SPTSSA: variants seen among roughly 807,000 people sequenced by gnomAD.
The protein encoded by SPTSSA is serine palmitoyltransferase small subunit A.
SPTSSA carries 8 observed loss-of-function variants against 9.1 expected under a neutral mutation model. The observed-to-expected ratio is 0.88, with a 90% CI of 0.51 to 1.58. The LOEUF (loss-of-function observed/expected upper bound fraction) is 1.58. Among genes scored for constraint, SPTSSA ranks in the 40% most tolerant of loss-of-function variants. SPTSSA has a pLI of 0.00. For missense variants in SPTSSA, 100 were observed against 93.8 expected, an observed-to-expected ratio of 1.07 and a Z score of -0.27; for synonymous variants, 42 against 37.7, an observed-to-expected ratio of 1.11 and a Z score of -0.41.
chr14:34,435,257 C>T lies in SPTSSA; in HGVS notation c.160G>A (p.Val54Ile), dbSNP rs749495328. 20 of 1,613,678 alleles carry T rather than the reference C, an allele frequency of 1.2e-5. No individual in the cohort carries two copies. Among genetic ancestry groups the T allele is most frequent in the South Asian group, 6.6e-5 (6 of 91,042 alleles). ...IVGMALYTGY[V>I]FMPQHIMAIL... Reference sequence around the variant, plus strand: ...GCCATGATGTGCTGGGGCATGAAGACGTATCCTGTGTATAGTGCCATCCCC... The same window carrying T: ...GCCATGATGTGCTGGGGCATGAAGATGTATCCTGTGTATAGTGCCATCCCC... The change falls in exon 2 of 2, where the codon GTC becomes ATC. Residue 54 changes from valine to isoleucine, a missense_variant. Coordinates refer to ENST00000298130, the MANE Select transcript of SPTSSA (RefSeq NM_138288.4).
chr14:34,453,549 A>C (rs922206900), intron 1 of SPTSSA, among the ~76,000 whole-genome samples: 1 of 152,228 alleles, frequency 6.6e-6, no homozygotes, highest in East Asian at 1.9e-4. Flanking sequence ...AGTGAAGCTG[A>C]GCTGCCTGCC....
intron 1 of SPTSSA, among the ~76,000 whole-genome samples, chr14:34,443,690 C>T (rs1883371736): frequency 6.6e-6 from 1 of 151,978 alleles, no homozygotes; most frequent in Non-Finnish European, 1.5e-5. Context: ...TGCCCGCCAC[C>T]ACACCCAGGT....
intron 1 of SPTSSA, among the ~76,000 whole-genome samples, chr14:34,442,980 G>A (rs1203746063): frequency 6.7e-6 from 1 of 148,964 alleles, no homozygotes; most frequent in East Asian, 2.0e-4. Flanking sequence ...GTGTGTGTGT[G>A]TGTGAGATGG....
Position 34,442,077 on chromosome 14 carries a change from T to C in SPTSSA, c.113-6773A>G, listed in dbSNP as rs909272596. Among the ~76,000 whole-genome samples the C allele has an allele frequency of 7.9e-5, 12 of 152,146 alleles. 1 individual carries two copies. Among genetic ancestry groups the C allele is most frequent in the Non-Finnish European group, 1.6e-4 (11 of 68,032 alleles). On this transcript the variant is annotated intron_variant, in intron 1 of 1. Transcript: ENST00000298130. ...TTTTAGTAGAGATGCGGCTTCACCA[T>C]GTTGGCCAGGCTGGTCTCAAACTCC...
intron 1 of SPTSSA, among the ~76,000 whole-genome samples, chr14:34,451,717 C>CA (rs35096900): frequency 0.064 from 4,853 of 76,390 alleles, 98 homozygotes; most frequent in Middle Eastern, 0.12. Context: ...GACTCTGTTT[C>CA]AAAAAAAAAA....
intron 1 of SPTSSA, among the ~76,000 whole-genome samples, chr14:34,447,225 T>TAAAAAA (rs79063928): frequency 1.2e-5 from 1 of 85,300 alleles, no homozygotes; most frequent in East Asian, 3.4e-4. Context: ...CTCCATCTCT[T>TAAAAAA]AAAAAAAAAA....
At chr14:34,458,735 C>T (rs561342502) in intron 1 of SPTSSA, among the ~76,000 whole-genome samples, 3 of 150,092 alleles carry the variant, frequency 2.0e-5, no homozygotes, top group Admixed American at 6.7e-5. Context: ...GAACCGCCAC[C>T]GCGCCCGGCC....
intron 1 of SPTSSA, among the ~76,000 whole-genome samples, chr14:34,442,976 G>C (rs1195960299): frequency 1.3e-5 from 2 of 150,234 alleles, no homozygotes; most frequent in Non-Finnish European, 3.0e-5. Context: ...GTGTGTGTGT[G>C]TGTGTGTGAG....
At position 34,432,966 on chromosome 14, in the gene SPTSSA, C is replaced by A. The variant is rs1883182008; in HGVS notation, c.*2235G>T. On this transcript the variant is annotated 3_prime_UTR_variant, in exon 2 of 2. Transcript: ENST00000298130. Reference sequence around the variant, plus strand: ...CTTTATTGAGATATTCACTTTATTGCAGTGGTCTGAAACTGAACCCACAAT... The same window carrying A: ...CTTTATTGAGATATTCACTTTATTGAAGTGGTCTGAAACTGAACCCACAAT... The A allele has an allele frequency of 6.6e-6, 1 of 152,010 alleles. No individual in the cohort carries two copies. Among genetic ancestry groups the A allele is most frequent in the South Asian group, 2.1e-4 (1 of 4,826 alleles). The allele number at this position is 152,010 out of a possible 1,614,324, so 9.4% of individuals were successfully genotyped here. A position where few individuals can be genotyped will look rare whatever the true frequency, so the allele number is the denominator to read the frequency against.
chr14:34,443,616 A>T (rs1396552072), intron 1 of SPTSSA, among the ~76,000 whole-genome samples: 1 of 148,026 alleles, frequency 6.8e-6, no homozygotes, highest in Non-Finnish European at 1.5e-5. Flanking sequence ...GCTCACTGCA[A>T]CCTCTGCCTC....
chr14:34,453,114 T>C (rs1203515451), intron 1 of SPTSSA, among the ~76,000 whole-genome samples: 3 of 152,224 alleles, frequency 2.0e-5, no homozygotes, highest in Non-Finnish European at 2.9e-5. Flanking sequence ...GTTAATGTTA[T>C]CAATAAGGCT....
chr14:34,445,484 G>C (rs2138824271), intron 1 of SPTSSA, among the ~76,000 whole-genome samples: 1 of 152,284 alleles, frequency 6.6e-6, no homozygotes, highest in East Asian at 1.9e-4. Context: ...CTGGGCGACA[G>C]AGCAAGACTC....
At chr14:34,456,164 A>C (rs1878461682) in intron 1 of SPTSSA, among the ~76,000 whole-genome samples, 1 of 151,876 alleles carries the variant, frequency 6.6e-6, no homozygotes, top group African/African-American at 2.4e-5. Flanking sequence ...CTACTAAAAA[A>C]ACAAAAAATT....
At position 34,438,518 on chromosome 14, in the gene SPTSSA, A is replaced by G. The variant is rs139622704; in HGVS notation, c.113-3214T>C. ...TTCCATACTGCAGACAGATATTTCT[A>G]CCTACTTACGGTACATTTCCATCTA... On this transcript the variant is annotated intron_variant, in intron 1 of 1. Coordinates refer to ENST00000298130, the MANE Select transcript of SPTSSA (RefSeq NM_138288.4). Among the ~76,000 whole-genome samples the G allele has an allele frequency of 4.2e-3, 645 of 152,220 alleles. 4 individuals are homozygous for G. Among genetic ancestry groups the G allele is most frequent in the African/African-American group, 0.014 (570 of 41,542 alleles).
intron 1 of SPTSSA, among the ~76,000 whole-genome samples, chr14:34,460,473 T>C (rs546249581): frequency 7.8e-4 from 119 of 152,276 alleles, no homozygotes; most frequent in African/African-American, 2.8e-3. Flanking sequence ...AAAAAAGGCA[T>C]CACCTAGTTA....
At chr14:34,461,732 T>C (rs1483072729) in intron 1 of SPTSSA, among the ~76,000 whole-genome samples, 2 of 152,350 alleles carry the variant, frequency 1.3e-5, no homozygotes, top group South Asian at 2.1e-4. Flanking sequence ...CACTGTTACA[T>C]GATCCCCGCC....
Position 34,456,395 on chromosome 14 carries a change from G to T in SPTSSA, c.112+5701C>A, listed in dbSNP as rs138997325. On this transcript the variant is annotated intron_variant, in intron 1 of 1. Coordinates refer to ENST00000298130, the MANE Select transcript of SPTSSA (RefSeq NM_138288.4). ...CAACTGTTTTTTAAGCATTATTTGT[G>T]TGCCCAGCACTGTGGTTTAAAAGTG... 1.2e-3 allele frequency among the ~76,000 whole-genome samples: 187 copies of T among 152,204 alleles called. 1 individual carries two copies. Among genetic ancestry groups the T allele is most frequent in the African/African-American group, 3.9e-3 (163 of 41,538 alleles).
intron 1 of SPTSSA, among the ~76,000 whole-genome samples, chr14:34,452,252 A>T (rs867439940): frequency 0.02 from 3,016 of 151,784 alleles, 49 homozygotes; most frequent in Middle Eastern, 0.034. Flanking sequence ...TCTCAAAAAA[A>T]AAAAAAAAAA....
At chr14:34,451,651 A>G (rs1300398626) in intron 1 of SPTSSA, among the ~76,000 whole-genome samples, 1 of 145,990 alleles carries the variant, frequency 6.8e-6, no homozygotes, top group Non-Finnish European at 1.5e-5. Context: ...TGAACTCGGG[A>G]GGCGGAGCTT....
Sources: allele counts gnomAD v4.1 joint callset (sites outside exome capture counted in the v4.1 genomes callset), GRCh38; gene constraint gnomAD v4.1.1; transcripts MANE v1.5; gene names NCBI Gene and HGNC (gene_info 2026-07-23, HGNC 2026-07-21).